ADGRG4: variants seen among roughly 807,000 people sequenced by gnomAD.
ADGRG4 encodes adhesion G protein-coupled receptor G4, also known as G protein-coupled receptor 112.
A neutral mutation model predicts 126.2 loss-of-function variants in ADGRG4; 122 were observed. The observed-to-expected ratio is 0.97, with a 90% CI of 0.83 to 1.12. ADGRG4 has a LOEUF of 1.12. Ranked by LOEUF, ADGRG4 falls within the 50% of genes most tolerant of loss-of-function variation. The pLI is 0.00. For synonymous variants in ADGRG4, 943 were observed against 838.7 expected (o/e 1.12, Z -2.15); for missense variants, 2,481 against 2,251.8 (o/e 1.10, Z -2.06).
At chrX:136,401,688 C>T (rs763074706) in intron 21 of ADGRG4, among the ~76,000 whole-genome samples, 2 of 112,140 alleles carry the variant, frequency 1.8e-5, no homozygotes, top group Non-Finnish European at 3.8e-5. Flanking sequence ...CTAAAAAGAA[C>T]GACCCCAAAA....
At position 136,350,415 on chromosome X, in the gene ADGRG4, A is replaced by G. The variant is rs1420701920; in HGVS notation, c.6709A>G (p.Thr2237Ala). ...FLSTEASTSP[T>A]ATKSTVSFYN... ...ATCTACGGAAGCATCGACTTCGCCT[A>G]CTGCCACCAAGTCCACAGGTACTGC... The change falls in exon 6 of 26, where the codon ACT becomes GCT. Residue 2237 changes from threonine (T) to alanine (A), a missense_variant. Transcript: ENST00000394143. 3.3e-6 allele frequency: 4 copies of G among 1,205,484 alleles called. No homozygotes were observed. The highest frequency in any genetic ancestry group is 3.0e-5 in the East Asian group (1 of 33,806).
At chrX:136,309,979 T>A (rs1482215103) in intron 4 of ADGRG4, among the ~76,000 whole-genome samples, 3 of 110,725 alleles carry the variant, frequency 2.7e-5, no homozygotes, top group Non-Finnish European at 3.8e-5. Context: ...TGACACAAAC[T>A]CCATTGGTTT....
chrX:136,372,371 AC>A (rs2075200365), intron 14 of ADGRG4, among the ~76,000 whole-genome samples: 2 of 111,311 alleles, frequency 1.8e-5, no homozygotes, highest in Middle Eastern at 9.1e-3. Flanking sequence ...CATTTCTCTC[AC>A]CAGACTGTCT....
chrX:136,332,978 T>G (rs1299448840), intron 5 of ADGRG4, among the ~76,000 whole-genome samples: 1 of 111,639 alleles, frequency 9.0e-6, no homozygotes, highest in Non-Finnish European at 1.9e-5. Context: ...TGATGGTAGT[T>G]TCTTTTGCTG....
chrX:136,401,078 A>T (rs2075376872), intron 21 of ADGRG4, among the ~76,000 whole-genome samples: 1 of 112,093 alleles, frequency 8.9e-6, no homozygotes, highest in Admixed American at 9.5e-5. Context: ...AACATAGTAC[A>T]TGCTTTCACT....
chrX:136,393,513 C>T, intron 17 of ADGRG4, 22 bp from the exon 18 acceptor site: 1 of 1,177,002 alleles, frequency 8.5e-7, no homozygotes, highest in Non-Finnish European at 1.2e-6. Context: ...AAGATGTTTA[C>T]CTCTGATTTC....
chrX:136,347,768 A>G lies in ADGRG4; in HGVS notation c.4062A>G (p.Pro1354=). 1.7e-6 allele frequency: 2 copies of G among 1,211,003 alleles called. No individual in the cohort carries two copies. Among genetic ancestry groups the G allele is most frequent in the Middle Eastern group, 2.3e-4 (1 of 4,350 alleles). The part of the protein sequence containing the change: ...TSSNTVGVHI[P]EMSTSLGKTA... ...GTAACACAGTAGGTGTTCACATTCC[A>G]GAAATGTCTACCAGTCTTGGGAAAA... The change falls in exon 6 of 26, where the codon CCA becomes CCG. Residue 1354 remains proline (P), a synonymous_variant. Coordinates refer to ENST00000394143, the MANE Select transcript of ADGRG4 (RefSeq NM_153834.4).
At chrX:136,309,735 G>A (rs144421705) in intron 4 of ADGRG4, among the ~76,000 whole-genome samples, 268 of 111,646 alleles carry the variant, frequency 2.4e-3, no homozygotes, top group African/African-American at 7.9e-3. Flanking sequence ...GGCCTACGGG[G>A]TACAGTGGCA....
intron 15 of ADGRG4, among the ~76,000 whole-genome samples, chrX:136,385,779 C>T (rs1487485609): frequency 8.9e-6 from 1 of 112,224 alleles, no homozygotes; most frequent in Non-Finnish European, 1.9e-5. Context: ...TTGGACTATA[C>T]TGTAGACACC....
chrX:136,356,380 G>T (rs6633822), intron 9 of ADGRG4, among the ~76,000 whole-genome samples: 53,717 of 109,904 alleles, frequency 0.49, 9,634 homozygotes, highest in Middle Eastern at 0.6. Flanking sequence ...AGCTTTTTGA[G>T]GCACATTTTC....
chrX:136,313,487 AC>A (rs2074786354), intron 4 of ADGRG4, among the ~76,000 whole-genome samples: 1 of 112,168 alleles, frequency 8.9e-6, no homozygotes, highest in Admixed American at 9.5e-5. Flanking sequence ...TGCATTCTAG[AC>A]TCTGAAGCAT....
At position 136,347,186 on chromosome X, in the gene ADGRG4, T is replaced by C; in HGVS notation, c.3480T>C (p.His1160=). The C allele has an allele frequency of 1.7e-6, 2 of 1,211,210 alleles. No homozygotes were observed. Among genetic ancestry groups the C allele is most frequent in the Non-Finnish European group, 2.2e-6 (2 of 895,154 alleles). The change falls in exon 6 of 26, where the codon CAT becomes CAC. Residue 1160 remains histidine, a synonymous_variant. Coordinates refer to ENST00000394143, the MANE Select transcript of ADGRG4 (RefSeq NM_153834.4). ...ACATTCCTCCTGCGTCCTCCACTCA[T>C]GTGATCTCAACTACGTCTACACCAG... ...PDNIPPASST[H]VISTTSTPEA... is the part of the protein sequence containing the mutation.
At position 136,373,016 on chromosome X, in the gene ADGRG4, T is replaced by C; in HGVS notation, c.7728T>C (p.Asp2576=). 1 of 1,210,951 alleles carries C rather than the reference T, an allele frequency of 8.3e-7. No homozygotes were observed. Among genetic ancestry groups the C allele is most frequent in the Non-Finnish European group, 1.1e-6 (1 of 895,107 alleles). The change falls in exon 15 of 26, where the codon GAT becomes GAC. Residue 2576 remains aspartate, a synonymous_variant. Transcript: ENST00000394143. ...TGCTGCGGGGGGACCACACGTTTGATGGCATGGCTTTCAGCATTCACTCCT... is the reference window on the plus strand; with the variant it reads ...TGCTGCGGGGGGACCACACGTTTGACGGCATGGCTTTCAGCATTCACTCCT... ...LAVLRGDHTF[D]GMAFSIHSYE...
intron 18 of ADGRG4, among the ~76,000 whole-genome samples, chrX:136,394,866 G>A (rs1180052612): frequency 1.8e-5 from 2 of 111,913 alleles, no homozygotes; most frequent in Non-Finnish European, 3.8e-5. Flanking sequence ...CTAAACCTGA[G>A]TGTGCTCAGA....
intron 19 of ADGRG4, among the ~76,000 whole-genome samples, chrX:136,396,679 A>G (rs2075350754): frequency 9.2e-6 from 1 of 108,718 alleles, no homozygotes; most frequent in Admixed American, 9.8e-5. Flanking sequence ...TGATCTTGGT[A>G]AGGTTGTTTC....
chrX:136,414,163 G>T lies in ADGRG4; in HGVS notation c.9041G>T (p.Gly3014Val). The T allele has an allele frequency of 8.4e-7, 1 of 1,186,206 alleles. No homozygotes were observed. Among genetic ancestry groups the T allele is most frequent in the Non-Finnish European group, 1.1e-6 (1 of 883,705 alleles). ...ACTTTTCTTGGTATCATTTCAGATG[G>T]GAGCAGCCGGTGTCAGATAAAGGTT... The part of the protein sequence containing the change: ...GWLRLDNSSD[G>V]SSRCQIKVGY... Residue 3014 changes from glycine (G) to valine (V), a missense_variant, in exon 25 of 26, where the codon GGG (glycine) becomes GTG (valine). By Grantham distance (109) the Gly-to-Val change is moderately radical (BLOSUM62 -3). Transcript: ENST00000394143.
intron 4 of ADGRG4, among the ~76,000 whole-genome samples, chrX:136,315,331 A>T (rs1256272287): frequency 9.1e-6 from 1 of 110,332 alleles, no homozygotes; most frequent in African/African-American, 3.3e-5. Flanking sequence ...AAAGTTTTTC[A>T]GTGCTCCAGA....
At position 136,349,623 on chromosome X, in the gene ADGRG4, C is replaced by T; in HGVS notation, c.5917C>T (p.His1973Tyr). The change falls in exon 6 of 26, where the codon CAC (histidine) becomes TAC (tyrosine). Residue 1973 changes from histidine to tyrosine, a missense_variant. By Grantham distance (83) the His-to-Tyr change is moderately conservative. Transcript: ENST00000394143. ...AITSTLADVK[H>Y]TFEKMTTSVT... is the part of the protein sequence containing the mutation. Reference sequence around the variant, plus strand: ...CACTTCCACATTGGCTGACGTTAAGCACACATTTGAGAAAATGACCACATC... The same window carrying T: ...CACTTCCACATTGGCTGACGTTAAGTACACATTTGAGAAAATGACCACATC... 1 of 1,209,053 alleles carries T rather than the reference C, an allele frequency of 8.3e-7. No homozygotes were observed. Among genetic ancestry groups the T allele is most frequent in the Non-Finnish European group, 1.1e-6 (1 of 893,357 alleles).
chrX:136,355,386 G>A (rs1339555904), intron 8 of ADGRG4, among the ~76,000 whole-genome samples: 1 of 111,170 alleles, frequency 9.0e-6, no homozygotes, highest in Non-Finnish European at 1.9e-5. Flanking sequence ...AATTTTGGGA[G>A]GACACAAACA....
Sources: allele counts gnomAD v4.1 joint callset (sites outside exome capture counted in the v4.1 genomes callset), GRCh38; gene constraint gnomAD v4.1.1; transcripts MANE v1.5; gene names NCBI Gene and HGNC (gene_info 2026-07-23, HGNC 2026-07-21).